PRKCE: variants seen among roughly 807,000 people sequenced by gnomAD.
The protein encoded by PRKCE is protein kinase C epsilon.
In PRKCE, 16 loss-of-function variants were observed where a neutral mutation model predicts 85.4. That is an observed-to-expected ratio of 0.19 (90% CI 0.13 to 0.28). PRKCE has a LOEUF of 0.28. Among genes scored for constraint, PRKCE ranks in the 10% least tolerant of loss-of-function variants. The pLI, the probability that PRKCE is intolerant of heterozygous loss-of-function variation, is 1.00. For synonymous variants in PRKCE, 388 were observed against 371.5 expected, an observed-to-expected ratio of 1.04 and a Z score of -0.51; for missense variants, 573 against 975.2, an observed-to-expected ratio of 0.59 and a Z score of 5.49.
At chr2:45,921,252 C>T (rs1043785962) in intron 2 of PRKCE, among the ~76,000 whole-genome samples, 1 of 152,110 alleles carries the variant, frequency 6.6e-6, no homozygotes. Flanking sequence ...GGAGACTTGT[C>T]CAGAGAAAAA....
Position 46,159,673 on chromosome 2 carries a change from A to G in PRKCE, c.1988A>G (p.Lys663Arg), listed in dbSNP as rs1677565850. 2 of 1,599,468 alleles carry G rather than the reference A, an allele frequency of 1.3e-6. No homozygotes were observed. The highest frequency in any genetic ancestry group is 1.3e-5 in the African/African-American group (1 of 74,938). ...VASQNGEDAI[K>R]QHPFFKEIDW... ...TCGCAGAATGGCGAGGACGCCATCA[A>G]GCAGCACCCATTCTTCAAAGAGATT... Residue 663 changes from lysine to arginine, a missense_variant, in exon 14 of 15, where the codon AAG becomes AGG. By Grantham distance (26) the Lys-to-Arg change is conservative (BLOSUM62 2). Around this residue, in one of 11 missense-constraint regions of PRKCE, gnomAD observed 72 missense variants for 166.0 expected, o/e 0.43. Coordinates refer to ENST00000306156, the MANE Select transcript of PRKCE (RefSeq NM_005400.3). This position sits in a 1 kb window ranked among gnomAD's most constrained non-coding sequence, Gnocchi z 4.1.
chr2:46,168,938 G>T (rs1020031556), intron 14 of PRKCE, among the ~76,000 whole-genome samples: 55 of 152,186 alleles, frequency 3.6e-4, no homozygotes, highest in African/African-American at 1.3e-3. Context: ...GAGGACTAAA[G>T]GATGGTCTGG....
At chr2:46,126,625 A>C (rs1303230955) in intron 11 of PRKCE, among the ~76,000 whole-genome samples, 1 of 152,190 alleles carries the variant, frequency 6.6e-6, no homozygotes, top group African/African-American at 2.4e-5. Context: ...TTCCCATTTG[A>C]ATATCAGATT....
intron 1 of PRKCE, among the ~76,000 whole-genome samples, chr2:45,682,613 T>C (rs977235888): frequency 1.3e-5 from 2 of 151,252 alleles, no homozygotes; most frequent in Non-Finnish European, 3.0e-5. Context: ...TGAGATGGAG[T>C]TTCACTCTTG....
intron 10 of PRKCE, among the ~76,000 whole-genome samples, chr2:46,065,969 G>T (rs937824394): frequency 4.6e-5 from 7 of 152,342 alleles, no homozygotes; most frequent in Admixed American, 2.0e-4. Context: ...CCTCTTCTGA[G>T]ACTGTATTGG....
At chr2:45,733,092 G>T in intron 1 of PRKCE, among the ~76,000 whole-genome samples, 1 of 152,210 alleles carries the variant, frequency 6.6e-6, no homozygotes, top group South Asian at 2.1e-4. Context: ...CTGAGATTTG[G>T]CCCTGGGGCT....
chr2:45,958,791 CATATATATATATAT>C (rs71394862), intron 2 of PRKCE, among the ~76,000 whole-genome samples: 3 of 22,544 alleles, frequency 1.3e-4, no homozygotes, highest in South Asian at 2.6e-3. Context: ...GCCTTTAAAA[CATATATATATATAT>C]ATATATATAT....
At chr2:46,098,258 T>A (rs76744187) in intron 11 of PRKCE, among the ~76,000 whole-genome samples, 1 of 152,106 alleles carries the variant, frequency 6.6e-6, no homozygotes. Context: ...ATCTGTGATG[T>A]TGGGCAAAGA....
At position 45,932,669 on chromosome 2, in the gene PRKCE, T is replaced by G. The variant is rs558491114; in HGVS notation, c.413-43760T>G. ...AAAACATTAAATTTACCATTTTAAG[T>G]GTATTGTTCAGTGGGATTTAGTGTG... On this transcript the variant is annotated intron_variant, in intron 2 of 14. Coordinates refer to ENST00000306156, the MANE Select transcript of PRKCE (RefSeq NM_005400.3). 2.0e-5 allele frequency among the ~76,000 whole-genome samples: 3 copies of G among 152,336 alleles called. No homozygotes were observed. The East Asian group carries it at 5.8e-4, about 29-fold the overall frequency.
chr2:46,143,139 C>T (rs1432322181), intron 11 of PRKCE, among the ~76,000 whole-genome samples: 1 of 152,108 alleles, frequency 6.6e-6, no homozygotes, highest in Non-Finnish European at 1.5e-5. Flanking sequence ...GGGTAGTTGC[C>T]ACATGTGCTC....
At chr2:45,962,108 A>T (rs1030569034) in intron 2 of PRKCE, among the ~76,000 whole-genome samples, 1 of 152,206 alleles carries the variant, frequency 6.6e-6, no homozygotes, top group Non-Finnish European at 1.5e-5. Context: ...TGACTAGCGT[A>T]TGCAGGGCTT....
intron 11 of PRKCE, among the ~76,000 whole-genome samples, chr2:46,094,474 G>GC (rs1670483737): frequency 6.6e-6 from 1 of 152,146 alleles, no homozygotes; most frequent in South Asian, 2.1e-4. Flanking sequence ...CATGTCCTTT[G>GC]CAGGGACATA....
At chr2:46,163,099 C>T (rs1677938350) in intron 14 of PRKCE, among the ~76,000 whole-genome samples, 1 of 152,232 alleles carries the variant, frequency 6.6e-6, no homozygotes, top group African/African-American at 2.4e-5. Flanking sequence ...CAGGGTTGAC[C>T]CCGGGGATGT....
chr2:46,174,354 C>T lies in PRKCE; in HGVS notation c.2068-10381C>T, dbSNP rs142966365. Reference sequence around the variant, plus strand: ...TTTCTTCTCCCTTAAAAGGTGGAAGCAGCAATCTTTTCAATGATGTAAAGG... The same window carrying T: ...TTTCTTCTCCCTTAAAAGGTGGAAGTAGCAATCTTTTCAATGATGTAAAGG... On this transcript the variant is annotated intron_variant, in intron 14 of 14. Transcript: ENST00000306156. Among the ~76,000 whole-genome samples the T allele has an allele frequency of 1.1e-3, 161 of 152,342 alleles. 2 individuals carry two copies. Among genetic ancestry groups the T allele is most frequent in the African/African-American group, 3.6e-3 (151 of 41,590 alleles).
intron 10 of PRKCE, among the ~76,000 whole-genome samples, chr2:46,085,736 G>GTTTTTTTTTTTTT (rs1170933914): frequency 9.6e-6 from 1 of 104,572 alleles, no homozygotes. Flanking sequence ...TGCAAAATCC[G>GTTTTTTTTTTTTT]TTTTTTTTTT....
At chr2:46,100,557 C>T (rs146386935) in intron 11 of PRKCE, among the ~76,000 whole-genome samples, 3 of 152,208 alleles carry the variant, frequency 2.0e-5, no homozygotes, top group Non-Finnish European at 2.9e-5. Flanking sequence ...AACACCCTCT[C>T]GGAAGTGGGG....
At chr2:46,067,257 T>G (rs2103687097) in intron 10 of PRKCE, among the ~76,000 whole-genome samples, 1 of 152,348 alleles carries the variant, frequency 6.6e-6, no homozygotes, top group South Asian at 2.1e-4. Context: ...AAGTGCCAAA[T>G]GAATGACGTG....
chr2:45,916,855 G>C (rs1235676937), intron 2 of PRKCE, among the ~76,000 whole-genome samples: 3 of 152,168 alleles, frequency 2.0e-5, no homozygotes, highest in Non-Finnish European at 4.4e-5. Context: ...TCTGGAGTTT[G>C]TTCCTTCTGA....
intron 2 of PRKCE, among the ~76,000 whole-genome samples, chr2:45,889,238 G>A (rs1429485863): frequency 6.6e-6 from 1 of 152,144 alleles, no homozygotes; most frequent in Non-Finnish European, 1.5e-5. Context: ...GACAGCTGCA[G>A]TGGTACCACG....
Sources: allele counts gnomAD v4.1 joint callset (sites outside exome capture counted in the v4.1 genomes callset), GRCh38; gene constraint gnomAD v4.1.1; regional missense constraint gnomAD v4.1.1; non-coding constraint Gnocchi (gnomAD v3.1); transcripts MANE v1.5; gene names NCBI Gene and HGNC (gene_info 2026-07-23, HGNC 2026-07-21).